SLTM: variants seen among roughly 807,000 people sequenced by gnomAD.
SLTM encodes the protein SAFB like transcription modulator, also known as SAFB-like transcription modulator.
A neutral mutation model predicts 134.6 loss-of-function variants in SLTM; 43 were observed. The observed-to-expected ratio is 0.32, with a 90% CI of 0.25 to 0.41. SLTM has a LOEUF of 0.41. Ranked by LOEUF, SLTM falls within the 10% of genes least tolerant of loss-of-function variation. The pLI is 1.00. For missense variants in SLTM, 1,055 were observed against 1,288.8 expected (o/e 0.82, Z 2.78); for synonymous variants, 424 against 432.3 (o/e 0.98, Z 0.24).
chr15:58,897,038 G>A (rs1488930366), intron 9 of SLTM, 77 bp downstream of exon 9: 16 of 829,912 alleles, frequency 1.9e-5, no homozygotes, highest in Non-Finnish European at 1.2e-5. Context: ...AGATATTCAT[G>A]TAATACTATT....
intron 5 of SLTM, among the ~76,000 whole-genome samples, chr15:58,905,315 TCA>T (rs1277623363): frequency 6.6e-6 from 1 of 152,238 alleles, no homozygotes; most frequent in African/African-American, 2.4e-5. Flanking sequence ...TCTTTTTCTT[TCA>T]CATTCTCTTT....
At chr15:58,905,758 T>A (rs867455421) in intron 5 of SLTM, among the ~76,000 whole-genome samples, 1 of 152,056 alleles carries the variant, frequency 6.6e-6, no homozygotes, top group African/African-American at 2.4e-5. Context: ...AAAAAAACTG[T>A]ATTCTATTGT....
intron 5 of SLTM, among the ~76,000 whole-genome samples, chr15:58,910,007 G>T (rs1182676495): frequency 6.6e-6 from 1 of 152,108 alleles, no homozygotes; most frequent in African/African-American, 2.4e-5. Flanking sequence ...CTGGTATCTG[G>T]ATTTAAACAG....
In SLTM at chr15:58,887,736, G is replaced by A. The variant is rs1232417532; in HGVS notation, c.2376-196C>T. ...AACTAAGTGTCTAGCCTAAAGGTTGGTTTTTTAGCATTCAGGAGAAATGAT... is the reference window on the plus strand; with the variant it reads ...AACTAAGTGTCTAGCCTAAAGGTTGATTTTTTAGCATTCAGGAGAAATGAT... On this transcript the variant is annotated intron_variant, in intron 17 of 20. Coordinates refer to ENST00000380516, the MANE Select transcript of SLTM (RefSeq NM_024755.4). The A allele has an allele frequency of 5.2e-6, 3 of 575,816 alleles. No individual in the cohort carries two copies. The African/African-American group carries it at 6.1e-5, about 12-fold the overall frequency. The allele number at this position is 575,816 out of a possible 1,614,324, so 35.7% of individuals were successfully genotyped here.
intron 1 of SLTM, among the ~76,000 whole-genome samples, chr15:58,932,851 G>A (rs117309261): frequency 2.3e-3 from 353 of 152,262 alleles, no homozygotes; most frequent in Non-Finnish European, 3.3e-3. Context: ...AGCTAATCAG[G>A]AAAGAAAAAG....
chr15:58,887,742 T>C, intron 17 of SLTM: 1 of 492,262 alleles, frequency 2.0e-6, no homozygotes, highest in Non-Finnish European at 2.6e-6. Context: ...GTTGGTTTTT[T>C]AGCATTCAGG....
chr15:58,888,646 C>A lies in SLTM; in HGVS notation c.2205-91G>T. 7.1e-6 allele frequency: 9 copies of A among 1,266,532 alleles called. 1 individual carries two copies. In the South Asian group the frequency reaches 1.1e-4, roughly 16 times the overall value. 78.5% of individuals were successfully genotyped at this position (1,266,532 alleles called of 1,614,324 possible). A position where few individuals can be genotyped will look rare whatever the true frequency, so the allele number is the denominator to read the frequency against. On this transcript the variant is annotated intron_variant, in intron 16 of 20. Coordinates refer to ENST00000380516, the MANE Select transcript of SLTM (RefSeq NM_024755.4). The stretch of plus-strand genomic sequence containing the variant: ...GAGTCATACATACCACATGTTAGAA[C>A]TGTGGACATAACAGGGCTAGTAAAC...
chr15:58,884,622 C>G (rs1411098631), intron 19 of SLTM, among the ~76,000 whole-genome samples: 2 of 151,616 alleles, frequency 1.3e-5, no homozygotes, highest in Non-Finnish European at 2.9e-5. Context: ...TGGCCAATTC[C>G]TTTTTTTAAA....
At chr15:58,897,893 G>T (rs1191311642) in intron 8 of SLTM, 1 of 152,058 alleles carries the variant, frequency 6.6e-6, no homozygotes, top group Non-Finnish European at 1.5e-5. Context: ...CATAAATTAT[G>T]GCTTCATATG....
rs994503154 is a variant in SLTM, at chr15:58,883,697, C to T, written c.2925G>A (p.Gly975=). The T allele has an allele frequency of 1.9e-6, 3 of 1,614,056 alleles. No homozygotes were observed. Among genetic ancestry groups the T allele is most frequent in the Non-Finnish European group, 2.5e-6 (3 of 1,180,034 alleles). The change falls in exon 20 of 21, where the codon GGG becomes GGA. Residue 975 remains glycine (G), a synonymous_variant. Coordinates refer to ENST00000380516, the MANE Select transcript of SLTM (RefSeq NM_024755.4). ...TTCGCCTCGTATCATGATAGCTAGGCCCTTGAGAGGGTGGACCATGCCACT... is the reference window on the plus strand; with the variant it reads ...TTCGCCTCGTATCATGATAGCTAGGTCCTTGAGAGGGTGGACCATGCCACT... ...RKEWHGPPSQ[G]PSYHDTRRMG...
chr15:58,896,468 TG>T (rs1410494261), intron 9 of SLTM, among the ~76,000 whole-genome samples: 1 of 151,908 alleles, frequency 6.6e-6, no homozygotes, highest in African/African-American at 2.4e-5. Context: ...GCTTGAGGCA[TG>T]AGAATCGTTT....
At chr15:58,926,502 T>C (rs1207853484) in intron 2 of SLTM, among the ~76,000 whole-genome samples, 1 of 152,218 alleles carries the variant, frequency 6.6e-6, no homozygotes, top group Non-Finnish European at 1.5e-5. Flanking sequence ...AGAGTAAACA[T>C]GTACTTAATT....
At chr15:58,883,936 A>G in intron 19 of SLTM, 150 bp from the exon 20 acceptor site, 1 of 718,800 alleles carries the variant, frequency 1.4e-6, no homozygotes, top group Non-Finnish European at 2.2e-6. Flanking sequence ...CGTTTCTACT[A>G]AAAATACAAA....
rs141536432 is a variant in SLTM, at chr15:58,933,461, C to T, written c.105G>A (p.Lys35=). 1.9e-6 allele frequency: 3 copies of T among 1,597,622 alleles called. No individual in the cohort carries two copies. The highest frequency in any genetic ancestry group is 2.6e-6 in the Non-Finnish European group (3 of 1,172,840). Residue 35 remains lysine, a synonymous_variant, in exon 1 of 21, where the codon AAG becomes AAA. Coordinates refer to ENST00000380516, the MANE Select transcript of SLTM (RefSeq NM_024755.4). ...CTCCGGTGATGTCTAAGTTCCGCCG[C>T]TTCAGCTCGGACTTCAGATCGATGA... is the stretch of plus-strand genomic sequence containing the variant. ...LRVIDLKSEL[K]RRNLDITGVK...
At chr15:58,886,855 T>C in intron 19 of SLTM, 120 bp downstream of exon 19, 1 of 1,233,262 alleles carries the variant, frequency 8.1e-7, no homozygotes. Flanking sequence ...TTAATGCCTC[T>C]GAATCATTCC....
In SLTM at chr15:58,893,327, T is replaced by C. The variant is rs749432699; in HGVS notation, c.1686A>G (p.Gln562=). 6.2e-7 allele frequency: 1 copy of C among 1,611,412 alleles called. No individual in the cohort carries two copies. Among genetic ancestry groups the C allele is most frequent in the South Asian group, 1.1e-5 (1 of 90,734 alleles). The part of the protein sequence containing the change: ...KSPGHMVILD[Q]TKGDHCRPSR... ...ATGGTCTACAATGATCTCCTTTAGT[T>C]TGGTCTAGTATTACCATATGTCCTG... Residue 562 remains glutamine (Q), a synonymous_variant, in exon 13 of 21, where the codon CAA becomes CAG. Transcript: ENST00000380516.
intron 5 of SLTM, among the ~76,000 whole-genome samples, chr15:58,903,480 G>A (rs12595482): frequency 0.2 from 29,085 of 147,196 alleles, 3,108 homozygotes; most frequent in South Asian, 0.45. Flanking sequence ...TGGAGGGCTT[G>A]TTAAAACAAA....
chr15:58,907,716 G>C (rs1419379582), intron 5 of SLTM, among the ~76,000 whole-genome samples: 1 of 152,170 alleles, frequency 6.6e-6, no homozygotes, highest in Non-Finnish European at 1.5e-5. Context: ...ATTCAAGCTA[G>C]TAAAACAACA....
chr15:58,902,365 C>A (rs1288180616), intron 5 of SLTM, among the ~76,000 whole-genome samples: 2 of 149,066 alleles, frequency 1.3e-5, no homozygotes, highest in African/African-American at 4.9e-5. Context: ...AACCACTACG[C>A]TTGGCTTAAG....
Sources: gnomAD v4.1 joint callset for allele counts (sites outside exome capture counted in the v4.1 genomes callset) on GRCh38, gnomAD v4.1.1 for gene constraint, MANE v1.5 for transcripts, NCBI Gene and HGNC (gene_info 2026-07-23, HGNC 2026-07-21) for gene names.